NFIX: variants seen among roughly 807,000 people sequenced by gnomAD.
NFIX encodes the protein nuclear factor I X.
In NFIX, 2 loss-of-function variants were observed where a neutral mutation model predicts 53.3. That is an observed-to-expected ratio of 0.04 (90% confidence interval 0.02 to 0.12). The LOEUF (loss-of-function observed/expected upper bound fraction) is 0.12. Ranked by LOEUF, NFIX falls within the 10% of genes least tolerant of loss-of-function variation. NFIX has a pLI of 1.00. For synonymous variants in NFIX, 244 were observed against 289.0 expected (o/e 0.84, Z 1.58); for missense variants, 310 against 674.5 (o/e 0.46, Z 5.99).
At chr19:13,074,819 C>T (rs537858638) in intron 5 of NFIX, among the ~76,000 whole-genome samples, 2 of 151,180 alleles carry the variant, frequency 1.3e-5, no homozygotes, top group African/African-American at 4.9e-5. Flanking sequence ...CCTGTAATCC[C>T]AGCACTTTGG....
chr19:13,063,484 T>A (rs2016219990), intron 2 of NFIX, among the ~76,000 whole-genome samples: 1 of 78,268 alleles, frequency 1.3e-5, no homozygotes, highest in Admixed American at 1.9e-4. Flanking sequence ...CTCTTTCTGT[T>A]TTTTTTTTTC....
At chr19:13,008,263 G>A (rs1435803216) in intron 1 of NFIX, among the ~76,000 whole-genome samples, 1 of 152,202 alleles carries the variant, frequency 6.6e-6, no homozygotes, top group Non-Finnish European at 1.5e-5. Context: ...CCCATCCACA[G>A]AGGGACACTA....
At chr19:13,026,744 C>CTGTG (rs201026735) in intron 2 of NFIX, among the ~76,000 whole-genome samples, 6,963 of 149,954 alleles carry the variant, frequency 0.046, 236 homozygotes, top group Middle Eastern at 0.089. Flanking sequence ...CTCTCTCTCT[C>CTGTG]TGTGTGTGTG....
chr19:13,088,180 G>GA lies in NFIX; in HGVS notation c.1402+44_1402+45insA, dbSNP rs1568331659. Reference sequence around the variant, plus strand: ...CGAAACCACAACGCCCAGCGTCCCCGGCCCGTCCAAACAGTCTCCACTGCA... The same window carrying GA: ...CGAAACCACAACGCCCAGCGTCCCCGAGCCCGTCCAAACAGTCTCCACTGCA... On this transcript the variant is annotated intron_variant, in intron 9 of 10. Transcript: ENST00000592199. The surrounding 1 kb of genome is among the most constrained non-coding windows in gnomAD (Gnocchi z 5.9). 6.5e-7 allele frequency: 1 copy of GA among 1,534,608 alleles called. No homozygotes were observed. The highest frequency in any genetic ancestry group is 2.0e-5 in the Admixed American group (1 of 50,942).
chr19:13,074,170 T>TG, intron 5 of NFIX, 144 bp downstream of exon 5: 2 of 1,077,064 alleles, frequency 1.9e-6, no homozygotes, highest in Non-Finnish European at 2.7e-6. Flanking sequence ...GCTCTAACAC[T>TG]TTAGAGTCCA....
chr19:12,995,822 G>A lies in NFIX; in HGVS notation c.-16G>A, dbSNP rs956432357. The A allele has an allele frequency of 2.6e-5, 25 of 966,588 alleles. No homozygotes were observed. The highest frequency in any genetic ancestry group is 2.8e-5 in the Non-Finnish European group (23 of 815,934). The allele number at this position is 966,588 out of a possible 1,614,324, so 59.9% of individuals were successfully genotyped here. ...CGCCGCGGCCGGCCGCCGCGCTCCC[G>A]CCCGGGCGCCCAGCTATGTACTCCC... On this transcript the variant is annotated 5_prime_UTR_variant, in exon 1 of 11. Transcript: ENST00000592199.
At chr19:13,024,711 C>T (rs1346067522) in intron 1 of NFIX, 1 of 1,535,832 alleles carries the variant, frequency 6.5e-7, no homozygotes, top group Non-Finnish European at 8.7e-7. Flanking sequence ...GTTGTCTGTG[C>T]GCGTGTGTGT....
At chr19:13,085,666 A>G (rs1052522261) in intron 8 of NFIX, among the ~76,000 whole-genome samples, 1 of 152,224 alleles carries the variant, frequency 6.6e-6, no homozygotes, top group African/African-American at 2.4e-5. Context: ...GCTTTTGTCA[A>G]GGGCCACTGA....
In NFIX at chr19:13,049,684, C is replaced by T. The variant is rs910103258; in HGVS notation, c.560-23363C>T. 2.6e-5 allele frequency among the ~76,000 whole-genome samples: 4 copies of T among 151,904 alleles called. No individual in the cohort carries two copies. Among genetic ancestry groups the T allele is most frequent in the African/African-American group, 7.3e-5 (3 of 41,312 alleles). ...TCTCTGCTCACTGCAACCTCTGCCTCCTGGGTTCAAGCGATTCTTCTGCCT... is the reference window on the plus strand; with the variant it reads ...TCTCTGCTCACTGCAACCTCTGCCTTCTGGGTTCAAGCGATTCTTCTGCCT... On this transcript the variant is annotated intron_variant, in intron 2 of 10. Transcript: ENST00000592199. This position sits in a 1 kb window ranked among gnomAD's most constrained non-coding sequence, Gnocchi z 4.5.
rs2016419658 is a variant in NFIX, at chr19:13,066,626, C to G, written c.560-6421C>G. 6.6e-6 allele frequency among the ~76,000 whole-genome samples: 1 copy of G among 152,176 alleles called. No homozygotes were observed. The highest frequency in any genetic ancestry group is 1.5e-5 in the Non-Finnish European group (1 of 68,030). On this transcript the variant is annotated intron_variant, in intron 2 of 10. Coordinates refer to ENST00000592199, the MANE Select transcript of NFIX (RefSeq NM_001365902.3). The surrounding 1 kb of genome is among the most constrained non-coding windows in gnomAD (Gnocchi z 4.2). Reference sequence around the variant, plus strand: ...TATCCCTGCCCCCACCCACAGCTTGCGGGCTCTGCTTCTTGTTCAGGCTCC... The same window carrying G: ...TATCCCTGCCCCCACCCACAGCTTGGGGGCTCTGCTTCTTGTTCAGGCTCC...
intron 8 of NFIX, among the ~76,000 whole-genome samples, chr19:13,085,483 C>T (rs1382767076): frequency 1.3e-5 from 2 of 152,330 alleles, no homozygotes; most frequent in South Asian, 4.1e-4. Context: ...CCCATTCCCT[C>T]CTTCTAGGCA....
chr19:13,090,493 A>G lies in NFIX; in HGVS notation c.1494+103A>G. 1.8e-6 allele frequency: 2 copies of G among 1,087,788 alleles called. No individual in the cohort carries two copies. The highest frequency in any genetic ancestry group is 2.0e-4 in the Middle Eastern group (1 of 5,054). 67.4% of individuals were successfully genotyped at this position (1,087,788 alleles called of 1,614,324 possible). A position where few individuals can be genotyped will look rare whatever the true frequency, so the allele number is the denominator to read the frequency against. On this transcript the variant is annotated intron_variant, in intron 10 of 10. Coordinates refer to ENST00000592199, the MANE Select transcript of NFIX (RefSeq NM_001365902.3). This position sits in a 1 kb window ranked among gnomAD's most constrained non-coding sequence, Gnocchi z 6.6. ...AGAGCCTGGAGTCCTTGGGGCTAAC[A>G]GGGAGAGAGAGGTCTGAGGTGGGGC...
chr19:13,056,246 T>A (rs1437774084), intron 2 of NFIX, among the ~76,000 whole-genome samples: 1 of 152,192 alleles, frequency 6.6e-6, no homozygotes, highest in African/African-American at 2.4e-5. Flanking sequence ...CCGTTCTATA[T>A]GAACACACCT....
At chr19:13,087,199 C>T (rs1163215280) in intron 8 of NFIX, among the ~76,000 whole-genome samples, 1 of 152,174 alleles carries the variant, frequency 6.6e-6, no homozygotes, top group Non-Finnish European at 1.5e-5. Context: ...GGCCAACCCA[C>T]GCAAGGCCAT....
rs2018331230 is a variant in NFIX, at chr19:13,094,645, T to C, written c.1505T>C (p.Leu502Pro). ...TTCATCCTGTTTCAGTCCTGGTTCC[T>C]CTGATAAGATCGACAAAAGAAACAA... ...NIPQQSQSWF[L>P] The change falls in exon 11 of 11, where the codon CTC (leucine) becomes CCC (proline). Residue 502 changes from leucine (L) to proline (P), a missense_variant. Around this residue, in one of 5 missense-constraint regions of NFIX, gnomAD observed 44 missense variants for 73.4 expected, o/e 0.60. Coordinates refer to ENST00000592199, the MANE Select transcript of NFIX (RefSeq NM_001365902.3). This position sits in a 1 kb window ranked among gnomAD's most constrained non-coding sequence, Gnocchi z 4.3. 1 of 1,536,004 alleles carries C rather than the reference T, an allele frequency of 6.5e-7. No homozygotes were observed. Among genetic ancestry groups the C allele is most frequent in the South Asian group, 1.2e-5 (1 of 84,058 alleles).
intron 8 of NFIX, among the ~76,000 whole-genome samples, chr19:13,085,069 CAAAAAAAAA>C (rs555726363): frequency 1.8e-5 from 1 of 54,952 alleles, no homozygotes; most frequent in East Asian, 5.5e-4. Context: ...GACTCCATCT[CAAAAAAAAA>C]AAAAAAAAAA....
rs574754834 is a variant in NFIX, at chr19:13,094,164, A to T, written c.1495-471A>T. The stretch of plus-strand genomic sequence containing the variant: ...GTGGGACCTTGGCTGGGGTATATAG[A>T]TGGGAATTTCTGCTTTTAATCCAAA... On this transcript the variant is annotated intron_variant, in intron 10 of 10. Coordinates refer to ENST00000592199, the MANE Select transcript of NFIX (RefSeq NM_001365902.3). This position sits in a 1 kb window ranked among gnomAD's most constrained non-coding sequence, Gnocchi z 4.3. Among the ~76,000 whole-genome samples, 19 of 152,240 alleles carry T rather than the reference A, an allele frequency of 1.2e-4. No homozygotes were observed. Among genetic ancestry groups the T allele is most frequent in the Admixed American group, 8.5e-4 (13 of 15,304 alleles).
chr19:13,081,013 C>A lies in NFIX; in HGVS notation c.1079-667C>A, dbSNP rs955894285. Among the ~76,000 whole-genome samples the A allele has an allele frequency of 8.4e-4, 114 of 135,964 alleles. No individual in the cohort carries two copies. The highest frequency in any genetic ancestry group is 2.9e-3 in the African/African-American group (103 of 36,008). The allele number at this position is 135,964 out of a possible 152,430, so 89.2% of individuals were successfully genotyped here. A position where few individuals can be genotyped will look rare whatever the true frequency, so the allele number is the denominator to read the frequency against. On this transcript the variant is annotated intron_variant, in intron 7 of 10. Transcript: ENST00000592199. This position sits in a 1 kb window ranked among gnomAD's most constrained non-coding sequence, Gnocchi z 4.7. ...AGACTCAGTCTCAAAAAAAAAAATT[C>A]TTTAGGCTGGGCACAGTGGCTCATG...
Position 13,021,174 on chromosome 19 carries a change from C to G in NFIX, c.28-3847C>G, listed in dbSNP as rs981871748. 5.3e-5 allele frequency among the ~76,000 whole-genome samples: 8 copies of G among 152,128 alleles called. No individual in the cohort carries two copies. Among genetic ancestry groups the G allele is most frequent in the Non-Finnish European group, 1.0e-4 (7 of 68,032 alleles). ...CAGGATTTGGTACCTTATGTCATGT[C>G]TCTGAGCTAACATCTTTGGCTGATT... On this transcript the variant is annotated intron_variant, in intron 1 of 10. Coordinates refer to ENST00000592199, the MANE Select transcript of NFIX (RefSeq NM_001365902.3). The surrounding 1 kb of genome is among the most constrained non-coding windows in gnomAD (Gnocchi z 4.2).
Sources: gnomAD v4.1 joint callset for allele counts (sites outside exome capture counted in the v4.1 genomes callset) on GRCh38, gnomAD v4.1.1 for gene constraint, gnomAD v4.1.1 regional missense constraint, Gnocchi (gnomAD v3.1) non-coding constraint, MANE v1.5 for transcripts, NCBI Gene and HGNC (gene_info 2026-07-23, HGNC 2026-07-21) for gene names.